Variants in PLCD4 observed in about 807,000 individuals in gnomAD.
PLCD4 encodes the protein phospholipase C delta 4, also known as 1-phosphatidylinositol 4,5-bisphosphate phosphodiesterase delta-4.
In PLCD4, 63 loss-of-function variants were observed where a neutral mutation model predicts 90.2. The observed-to-expected ratio is 0.70, with a 90% CI of 0.57 to 0.86. PLCD4 has a LOEUF of 0.86. Ranked by LOEUF, PLCD4 falls within the 40% of genes least tolerant of loss-of-function variation. The probability of loss-of-function intolerance (pLI) is 0.00; values close to 1 mark genes in which losing one functional copy is unlikely to be tolerated. For missense variants in PLCD4, 830 were observed against 956.3 expected (o/e 0.87, Z 1.74); for synonymous variants, 294 against 356.5 (o/e 0.82, Z 1.97).
rs538682903 is a variant in PLCD4, at chr2:218,628,424, G to A, written c.974+194G>A. On this transcript the variant is annotated intron_variant, in intron 7 of 15. Coordinates refer to ENST00000450993, the MANE Select transcript of PLCD4 (RefSeq NM_032726.4). ...GGTAATGAAACCCTATGGGTCAATGGAACTTCTCTTTCACAAGCTATGAAA... is the reference window on the plus strand; with the variant it reads ...GGTAATGAAACCCTATGGGTCAATGAAACTTCTCTTTCACAAGCTATGAAA... 156 of 539,160 alleles carry A rather than the reference G, an allele frequency of 2.9e-4. 1 individual carries two copies. In the South Asian group the frequency reaches 4.6e-3, roughly 16 times the overall value. The allele number at this position is 539,160 out of a possible 1,614,324, so 33.4% of individuals were successfully genotyped here. A position where few individuals can be genotyped will look rare whatever the true frequency, so the allele number is the denominator to read the frequency against.
intron 1 of PLCD4, among the ~76,000 whole-genome samples, chr2:218,612,503 A>G (rs936515449): frequency 3.9e-5 from 6 of 152,302 alleles, no homozygotes; most frequent in African/African-American, 1.4e-4. Context: ...GGCGGGGCAG[A>G]GTGGCTCACG....
intron 3 of PLCD4, among the ~76,000 whole-genome samples, 167 bp from the exon 4 acceptor site, chr2:218,618,412 C>T (rs1695717700): frequency 6.6e-6 from 1 of 152,194 alleles, no homozygotes; most frequent in South Asian, 2.1e-4. Context: ...TCCTGAATCC[C>T]TGGGGTCTGC....
chr2:218,632,466 A>T (rs941367759), intron 10 of PLCD4, among the ~76,000 whole-genome samples, 154 bp downstream of exon 10: 2 of 152,214 alleles, frequency 1.3e-5, no homozygotes, highest in Non-Finnish European at 2.9e-5. Flanking sequence ...ACATGGCATC[A>T]ATATATATTA....
chr2:218,621,441 T>A, intron 4 of PLCD4, 29 bp from the exon 5 acceptor site: 2 of 1,613,090 alleles, frequency 1.2e-6, no homozygotes, highest in Non-Finnish European at 1.7e-6. Context: ...AACAGATACA[T>A]TAGTGCTTTT....
In PLCD4 at chr2:218,634,366, T is replaced by C. The variant is rs1696585771; in HGVS notation, c.1724-92T>C. 6.4e-7 allele frequency: 1 copy of C among 1,559,408 alleles called. No homozygotes were observed. The highest frequency in any genetic ancestry group is 1.4e-5 in the African/African-American group (1 of 73,932). On this transcript the variant is annotated intron_variant, in intron 12 of 15. Coordinates refer to ENST00000450993, the MANE Select transcript of PLCD4 (RefSeq NM_032726.4). This position sits in a 1 kb window ranked among gnomAD's most constrained non-coding sequence, Gnocchi z 4.0. The stretch of plus-strand genomic sequence containing the variant: ...CAGTGGATATTACCAGCAGGTACCG[T>C]GCACCCAGTACCTATCTTCTTAACT...
At position 218,634,221 on chromosome 2, in the gene PLCD4, G is replaced by C. The variant is rs1342621404; in HGVS notation, c.1723G>C (p.Val575Leu). The part of the protein sequence containing the change: ...QELWNAGCQM[V>L]AMNMQTAGLE... Reference sequence around the variant, plus strand: ...ACTCTGGAATGCAGGCTGCCAGATGGGTGAGGAGGCAGCAGGGACTGGGAA... The same window carrying C: ...ACTCTGGAATGCAGGCTGCCAGATGCGTGAGGAGGCAGCAGGGACTGGGAA... The change falls in exon 12 of 16, where the codon GTG becomes CTG. Residue 575 changes from valine to leucine, a missense_variant and splice_region_variant. Val to Leu is a conservative substitution (Grantham distance 32, BLOSUM62 1). Transcript: ENST00000450993. The surrounding 1 kb of genome is among the most constrained non-coding windows in gnomAD (Gnocchi z 4.0). 6.2e-7 allele frequency: 1 copy of C among 1,608,024 alleles called. No individual in the cohort carries two copies. The highest frequency in any genetic ancestry group is 1.7e-5 in the Admixed American group (1 of 58,788).
chr2:218,618,874 C>T (rs956514336), intron 4 of PLCD4, 67 bp downstream of exon 4: 2 of 1,467,502 alleles, frequency 1.4e-6, no homozygotes. Flanking sequence ...CCAGATGCAA[C>T]AGGTTTAGGA....
At chr2:218,635,711 G>T in intron 13 of PLCD4, 85 bp from the exon 14 acceptor site, 1 of 1,490,948 alleles carries the variant, frequency 6.7e-7, no homozygotes, top group Non-Finnish European at 8.9e-7. Context: ...AAACCAAAAA[G>T]CTTCTTCTCC....
At chr2:218,623,839 C>T (rs1014715539) in intron 6 of PLCD4, among the ~76,000 whole-genome samples, 3 of 152,142 alleles carry the variant, frequency 2.0e-5, no homozygotes, top group Admixed American at 6.5e-5. Flanking sequence ...TGCGCCACCA[C>T]GCCCGGCTAA....
chr2:218,616,923 T>G (rs1378246440), intron 3 of PLCD4, among the ~76,000 whole-genome samples: 15 of 24,144 alleles, frequency 6.2e-4, no homozygotes, highest in African/African-American at 2.1e-3. Flanking sequence ...TATATATATA[T>G]ATATAGAGAG....
chr2:218,618,163 A>G (rs940545072), intron 3 of PLCD4, among the ~76,000 whole-genome samples: 1 of 152,272 alleles, frequency 6.6e-6, no homozygotes, highest in East Asian at 1.9e-4. Flanking sequence ...ATGCTTTAGT[A>G]TAACTGCTTC....
intron 3 of PLCD4, 129 bp from the exon 4 acceptor site, chr2:218,618,450 T>A (rs1575019284): frequency 1.3e-6 from 1 of 743,266 alleles, no homozygotes; most frequent in South Asian, 1.8e-5. Context: ...CTTTTTGGGA[T>A]TCAGCCTGCA....
Position 218,636,251 on chromosome 2 carries a change from CCATACTGGGGG to C in PLCD4, c.2044_2054del (p.Tyr682AspfsTer10). 3 of 1,613,902 alleles carry C rather than the reference CCATACTGGGGG, an allele frequency of 1.9e-6. No individual in the cohort carries two copies. The highest frequency in any genetic ancestry group is 2.5e-6 in the Non-Finnish European group (3 of 1,179,796). On this transcript the variant is annotated frameshift_variant, in exon 15 of 16. Transcript: ENST00000450993. LOFTEE classifies it high-confidence loss of function. Reference sequence around the variant, plus strand: ...TCTGTCCACCAACTCAGGTTTTAATCCATACTGGGGGCAGACACTATGTTTCCGGGTGCTGG... The same window carrying C: ...TCTGTCCACCAACTCAGGTTTTAATCCAGACACTATGTTTCCGGGTGCTGG...
At chr2:218,621,358 G>T in intron 4 of PLCD4, 112 bp from the exon 5 acceptor site, 2 of 1,273,396 alleles carry the variant, frequency 1.6e-6, no homozygotes, top group South Asian at 2.7e-5. Context: ...GATTGGCACC[G>T]GGGAGAGAGA....
At chr2:218,614,291 T>C (rs1445242440) in intron 1 of PLCD4, among the ~76,000 whole-genome samples, 1 of 152,112 alleles carries the variant, frequency 6.6e-6, no homozygotes, top group Non-Finnish European at 1.5e-5. Flanking sequence ...AGTGCTGGGA[T>C]TACAGGCTTG....
chr2:218,634,184 CA>C lies in PLCD4; in HGVS notation c.1688del (p.Asn563ThrfsTer15), dbSNP rs1172461728. 6.2e-7 allele frequency: 1 copy of C among 1,612,014 alleles called. No individual in the cohort carries two copies. On this transcript the variant is annotated frameshift_variant, in exon 12 of 16. Transcript: ENST00000450993. LOFTEE classifies it high-confidence loss of function. This position sits in a 1 kb window ranked among gnomAD's most constrained non-coding sequence, Gnocchi z 4.0. ...SGLRTDSSNYNPQELWNAGCQ... is the reference protein window; with the variant it reads ...SGLRTDSSNYXPQELWNAGCQ... ...GCCTGAGGACAGACTCTTCCAACTACAACCCCCAGGAACTCTGGAATGCAGG... is the reference window on the plus strand; with the variant it reads ...GCCTGAGGACAGACTCTTCCAACTACACCCCCAGGAACTCTGGAATGCAGG...
At chr2:218,626,301 C>G (rs1172734744) in intron 6 of PLCD4, among the ~76,000 whole-genome samples, 2 of 151,572 alleles carry the variant, frequency 1.3e-5, no homozygotes, top group African/African-American at 4.8e-5. Context: ...ACTTCCTGTC[C>G]TTCTTCACAA....
intron 4 of PLCD4, 127 bp downstream of exon 4, chr2:218,618,934 T>C: frequency 1.2e-6 from 1 of 843,496 alleles, no homozygotes; most frequent in African/African-American, 1.7e-5. Flanking sequence ...CCAGATGGTA[T>C]GGGCAGGGAC....
intron 6 of PLCD4, among the ~76,000 whole-genome samples, chr2:218,624,977 T>A (rs1381706161): frequency 6.6e-6 from 1 of 151,062 alleles, no homozygotes; most frequent in Non-Finnish European, 1.5e-5. Flanking sequence ...CCGGGTATGG[T>A]GGCAGGAGCC....
Sources: allele counts gnomAD v4.1 joint callset (sites outside exome capture counted in the v4.1 genomes callset), GRCh38; gene constraint gnomAD v4.1.1; non-coding constraint Gnocchi (gnomAD v3.1); transcripts MANE v1.5; gene names NCBI Gene and HGNC (gene_info 2026-07-23, HGNC 2026-07-21).